The following ABHD4 variants were observed in gnomAD, a reference collection of about 807,000 sequenced individuals.
The protein encoded by ABHD4 is abhydrolase domain containing 4, N-acyl phospholipase B.
Under a neutral mutation model 42.3 loss-of-function variants are expected in ABHD4, and 35 were observed. That is an observed-to-expected ratio of 0.83 (90% CI 0.63 to 1.10). The LOEUF is 1.10. Ranked by LOEUF, ABHD4 falls within the 50% of genes least tolerant of loss-of-function variation. The pLI is 0.00. For missense variants in ABHD4, 389 were observed against 454.8 expected (o/e 0.86, Z 1.32); for synonymous variants, 169 against 170.6 (o/e 0.99, Z 0.07).
chr14:22,603,969 G>T lies in ABHD4; in HGVS notation c.530G>T (p.Arg177Leu), dbSNP rs368160917. ...ILVDPWGFPL[R>L]PTNPSEIRAP... ...GTGGACCCATGGGGCTTTCCCCTCC[G>T]ACCAACTAACCCCAGTGAGATCCGT... Residue 177 changes from arginine (R) to leucine (L), a missense_variant, in exon 4 of 7, where the codon CGA becomes CTA. Arg to Leu is a moderately radical substitution (Grantham distance 102). Coordinates refer to ENST00000428304, the MANE Select transcript of ABHD4 (RefSeq NM_022060.3). The T allele has an allele frequency of 1.2e-6, 2 of 1,614,108 alleles. No individual in the cohort carries two copies. The highest frequency in any genetic ancestry group is 1.7e-5 in the Admixed American group (1 of 60,018).
At position 22,611,221 on chromosome 14, in the gene ABHD4, C is replaced by G; in HGVS notation, c.*273C>G. ...CCCATCCACTCCTTGCCAAGTGTTA[C>G]CCAGATGGTGGAGGATGTGAAGGGA... On this transcript the variant is annotated 3_prime_UTR_variant, in exon 7 of 7. Coordinates refer to ENST00000428304, the MANE Select transcript of ABHD4 (RefSeq NM_022060.3). 1 of 431,804 alleles carries G rather than the reference C, an allele frequency of 2.3e-6. No individual in the cohort carries two copies. 26.7% of individuals were successfully genotyped at this position (431,804 alleles called of 1,614,324 possible).
chr14:22,610,404 G>A (rs916505308), intron 6 of ABHD4, among the ~76,000 whole-genome samples: 1 of 152,184 alleles, frequency 6.6e-6, no homozygotes, highest in Non-Finnish European at 1.5e-5. Context: ...TAGCAGCCAG[G>A]CACCTGCTGC....
In ABHD4 at chr14:22,603,997, A is replaced by G. The variant is rs771528181; in HGVS notation, c.558A>G (p.Ala186=). The change falls in exon 4 of 7, where the codon GCA becomes GCG. Residue 186 remains alanine (A), a synonymous_variant. Transcript: ENST00000428304. ...LRPTNPSEIR[A]PPAWVKAVAS... The stretch of plus-strand genomic sequence containing the variant: ...CAACTAACCCCAGTGAGATCCGTGC[A>G]CCCCCAGCCTGGGTCAAAGCCGTGG... 1 of 1,613,932 alleles carries G rather than the reference A, an allele frequency of 6.2e-7. No homozygotes were observed. Among genetic ancestry groups the G allele is most frequent in the Non-Finnish European group, 8.5e-7 (1 of 1,180,006 alleles).
chr14:22,606,618 C>A, intron 5 of ABHD4, 85 bp downstream of exon 5: 1 of 931,852 alleles, frequency 1.1e-6, no homozygotes, highest in East Asian at 2.6e-5. Flanking sequence ...GGCTTTATTT[C>A]TTCTTCAACA....
intron 5 of ABHD4, among the ~76,000 whole-genome samples, chr14:22,607,124 A>G (rs2037358518): frequency 6.6e-6 from 1 of 152,218 alleles, no homozygotes; most frequent in East Asian, 1.9e-4. Flanking sequence ...AAATTTAATT[A>G]TGTGCATTTG....
intron 4 of ABHD4, among the ~76,000 whole-genome samples, chr14:22,605,517 T>C (rs141081322): frequency 5.9e-5 from 9 of 152,126 alleles, no homozygotes; most frequent in Admixed American, 2.0e-4. Context: ...AAGACACGGG[T>C]GCCAAAGGAC....
intron 5 of ABHD4, among the ~76,000 whole-genome samples, chr14:22,608,712 T>C (rs770434305): frequency 3.3e-5 from 5 of 152,226 alleles, no homozygotes; most frequent in African/African-American, 4.8e-5. Flanking sequence ...TGTTTGTTTG[T>C]TTGTTTTTGA....
intron 2 of ABHD4, among the ~76,000 whole-genome samples, chr14:22,602,285 A>G (rs1039681654): frequency 6.6e-6 from 1 of 152,146 alleles, no homozygotes; most frequent in African/African-American, 2.4e-5. Flanking sequence ...GCATCCCACT[A>G]GCGGCAGCAG....
chr14:22,606,395 T>G (rs748303357), intron 4 of ABHD4, 27 bp from the exon 5 acceptor site: 28 of 1,565,668 alleles, frequency 1.8e-5, no homozygotes, highest in South Asian at 2.3e-5. Context: ...CAAATTGGCC[T>G]GTCTGTGTTT....
In ABHD4 at chr14:22,611,162, C is replaced by T. The variant is rs933760679; in HGVS notation, c.*214C>T. The T allele has an allele frequency of 8.9e-6, 5 of 560,836 alleles. No individual in the cohort carries two copies. The African/African-American group carries it at 9.4e-5, about 11-fold the overall frequency. The allele number at this position is 560,836 out of a possible 1,614,324, so 34.7% of individuals were successfully genotyped here. Reference sequence around the variant, plus strand: ...GCCACAAGAGGCCTTGAGTGCCACCCCCAGGGAAGAACATAAAGGGTTGCA... The same window carrying T: ...GCCACAAGAGGCCTTGAGTGCCACCTCCAGGGAAGAACATAAAGGGTTGCA... On this transcript the variant is annotated 3_prime_UTR_variant, in exon 7 of 7. Coordinates refer to ENST00000428304, the MANE Select transcript of ABHD4 (RefSeq NM_022060.3).
chr14:22,600,775 G>A (rs1055433628), intron 1 of ABHD4, among the ~76,000 whole-genome samples: 1 of 151,668 alleles, frequency 6.6e-6, no homozygotes, highest in Non-Finnish European at 1.5e-5. Flanking sequence ...GTTATTTAAT[G>A]GGCCAAAACC....
rs115288702 is a variant in ABHD4 at position 22,599,149 on chromosome 14, G to A, written c.23+820G>A. On this transcript the variant is annotated intron_variant, in intron 1 of 6. Coordinates refer to ENST00000428304, the MANE Select transcript of ABHD4 (RefSeq NM_022060.3). ...CAGACCTGTAGAACTGGAAGTCCGGGGAACTAATTAACTTTATGACCATAA... is the reference window on the plus strand; with the variant it reads ...CAGACCTGTAGAACTGGAAGTCCGGAGAACTAATTAACTTTATGACCATAA... 5.0e-3 allele frequency among the ~76,000 whole-genome samples: 766 copies of A among 152,312 alleles called. 6 individuals carry two copies. Among genetic ancestry groups the A allele is most frequent in the African/African-American group, 0.017 (722 of 41,556 alleles).
chr14:22,610,946 T>G lies in ABHD4; in HGVS notation c.1027T>G (p.Ter343GlyextTer4). 6.2e-7 allele frequency: 1 copy of G among 1,613,880 alleles called. No individual in the cohort carries two copies. Among genetic ancestry groups the G allele is most frequent in the Middle Eastern group, 1.6e-4 (1 of 6,062 alleles). The change falls in exon 7 of 7, where the codon TGA (stop) becomes GGA (glycine). Residue 343 changes from the stop codon to glycine (G), a stop_lost. Coordinates refer to ENST00000428304, the MANE Select transcript of ABHD4 (RefSeq NM_022060.3). ...VVEEICDSVD[*>G] ...GGAGGAGATCTGCGACTCAGTTGAT[T>G]GAGCTGCTCTCTGAAGAGGAAGAGG...
Position 22,603,953 on chromosome 14 carries a change from T to C in ABHD4, c.514T>C (p.Trp172Arg), listed in dbSNP as rs1229700212. ...RVKHLILVDP[W>R]GFPLRPTNPS... is the part of the protein sequence containing the mutation. Reference sequence around the variant, plus strand: ...TAAACACCTCATCCTGGTGGACCCATGGGGCTTTCCCCTCCGACCAACTAA... The same window carrying C: ...TAAACACCTCATCCTGGTGGACCCACGGGGCTTTCCCCTCCGACCAACTAA... Residue 172 changes from tryptophan (W) to arginine (R), a missense_variant, in exon 4 of 7, where the codon TGG becomes CGG. This residue lies in a region of ABHD4 where 249 missense variants were observed against 254.4 expected (regional missense o/e 0.98). Coordinates refer to ENST00000428304, the MANE Select transcript of ABHD4 (RefSeq NM_022060.3). 6.2e-7 allele frequency: 1 copy of C among 1,614,202 alleles called. No individual in the cohort carries two copies. The highest frequency in any genetic ancestry group is 8.5e-7 in the Non-Finnish European group (1 of 1,180,028).
At chr14:22,606,566 G>A (rs2037352661) in intron 5 of ABHD4, 33 bp downstream of exon 5, 9 of 1,478,980 alleles carry the variant, frequency 6.1e-6, no homozygotes, top group Non-Finnish European at 8.5e-6. Context: ...GCTTGGGGCA[G>A]ACAGTTGTTA....
At position 22,610,910 on chromosome 14, in the gene ABHD4, A is replaced by C. The variant is rs1329511527; in HGVS notation, c.991A>C (p.Asn331His). Residue 331 changes from asparagine to histidine, a missense_variant, in exon 7 of 7, where the codon AAT (asparagine) becomes CAT (histidine). Around this residue, in one of 3 missense-constraint regions of ABHD4, gnomAD observed 249 missense variants for 254.4 expected, o/e 0.98. Coordinates refer to ENST00000428304, the MANE Select transcript of ABHD4 (RefSeq NM_022060.3). ...HVYADQPHIF[N>H]AVVEEICDSV... ...CTATGCTGACCAGCCACACATCTTC[A>C]ATGCTGTGGTGGAGGAGATCTGCGA... The C allele has an allele frequency of 6.2e-7, 1 of 1,613,980 alleles. No individual in the cohort carries two copies. The highest frequency in any genetic ancestry group is 1.3e-5 in the African/African-American group (1 of 74,902).
intron 6 of ABHD4, 100 bp from the exon 7 acceptor site, chr14:22,610,759 G>A: frequency 4.4e-6 from 4 of 902,370 alleles, no homozygotes; most frequent in Non-Finnish European, 7.3e-6. Context: ...GAGCTCGTGG[G>A]TGGCAGGCAA....
At chr14:22,609,995 G>C in intron 6 of ABHD4, 85 bp downstream of exon 6, 1 of 1,343,832 alleles carries the variant, frequency 7.4e-7, no homozygotes, top group Non-Finnish European at 1.0e-6. Context: ...TGATCAAGGA[G>C]AAAGAGGAAT....
In ABHD4 at chr14:22,603,751, G is replaced by A. The variant is rs35127752; in HGVS notation, c.474G>A (p.Lys158=). 4.3e-4 allele frequency: 672 copies of A among 1,580,432 alleles called. 3 individuals carry two copies. The African/African-American group carries it at 7.7e-3, about 18-fold the overall frequency. ...GGFLATSYSI[K]YPDRVKHLIL... is the part of the protein sequence containing the mutation. ...TCCTGGCCACTTCTTACTCAATCAA[G>A]TACCCTGATAGGTAATAAGGAGATG... Residue 158 remains lysine (K), a synonymous_variant, in exon 3 of 7, where the codon AAG becomes AAA. Coordinates refer to ENST00000428304, the MANE Select transcript of ABHD4 (RefSeq NM_022060.3).
Sources: gnomAD v4.1 joint callset for allele counts (sites outside exome capture counted in the v4.1 genomes callset) on GRCh38, gnomAD v4.1.1 for gene constraint, gnomAD v4.1.1 regional missense constraint, MANE v1.5 for transcripts, NCBI Gene and HGNC (gene_info 2026-07-23, HGNC 2026-07-21) for gene names.